The following PDE4A variants were observed in gnomAD, a reference collection of about 807,000 sequenced individuals.
PDE4A encodes the protein 3',5'-cyclic-AMP phosphodiesterase 4A.
Under a neutral mutation model 73.9 loss-of-function variants are expected in PDE4A, and 21 were observed. That is an observed-to-expected ratio of 0.28 (90% confidence interval 0.20 to 0.41). PDE4A has a LOEUF of 0.41. Ranked by LOEUF, PDE4A falls within the 10% of genes least tolerant of loss-of-function variation. The pLI, the probability that PDE4A is intolerant of heterozygous loss-of-function variation, is 1.00. For synonymous variants in PDE4A, 463 were observed against 505.4 expected (o/e 0.92, Z 1.13); for missense variants, 958 against 1,211.4 (o/e 0.79, Z 3.10).
chr19:10,460,865 G>A, intron 10 of PDE4A, 139 bp from the exon 11 acceptor site: 1 of 746,540 alleles, frequency 1.3e-6, no homozygotes, highest in Non-Finnish European at 2.0e-6. Flanking sequence ...GCCCAGGATG[G>A]CCTCGAACTT....
In PDE4A at chr19:10,424,130, A is replaced by C. The variant is rs148907749; in HGVS notation, c.320+3046A>C. Among the ~76,000 whole-genome samples the C allele has an allele frequency of 6.6e-6, 1 of 152,294 alleles. No individual in the cohort carries two copies. The highest frequency in any genetic ancestry group is 1.5e-5 in the Non-Finnish European group (1 of 68,034). ...CACCCCCAACCGGAGATGTCATCCA[A>C]ACCTCCCCTCCAGACCTGAAGATGT... On this transcript the variant is annotated intron_variant, in intron 1 of 14. Transcript: ENST00000380702. This position sits in a 1 kb window ranked among gnomAD's most constrained non-coding sequence, Gnocchi z 4.8.
chr19:10,424,258 G>A lies in PDE4A; in HGVS notation c.320+3174G>A, dbSNP rs1384446037. 6.6e-6 allele frequency among the ~76,000 whole-genome samples: 1 copy of A among 152,240 alleles called. No individual in the cohort carries two copies. Among genetic ancestry groups the A allele is most frequent in the East Asian group, 1.9e-4 (1 of 5,194 alleles). On this transcript the variant is annotated intron_variant, in intron 1 of 14. Transcript: ENST00000380702. This position sits in a 1 kb window ranked among gnomAD's most constrained non-coding sequence, Gnocchi z 4.8. ...GTGGGGGTGGGGAGCTGTCTGAACT[G>A]GGGACGGGGCCAACATACGGACCCT...
At chr19:10,434,855 TGCTGGGATTACAG>T (rs2042843243) in intron 1 of PDE4A, among the ~76,000 whole-genome samples, 1 of 150,858 alleles carries the variant, frequency 6.6e-6, no homozygotes. Context: ...CCTCCCAAAG[TGCTGGGATTACAG>T]GCATGAGCCA....
chr19:10,439,576 C>G (rs544213942), intron 1 of PDE4A, among the ~76,000 whole-genome samples: 2 of 152,162 alleles, frequency 1.3e-5, no homozygotes, highest in South Asian at 4.1e-4. Flanking sequence ...AGCAGAGAGA[C>G]CTGGTTGGAA....
chr19:10,451,031 C>A (rs1281003053), intron 6 of PDE4A, 90 bp downstream of exon 6: 4 of 1,277,968 alleles, frequency 3.1e-6, no homozygotes, highest in Non-Finnish European at 3.3e-6. Flanking sequence ...CCAGTGGGCG[C>A]GGCCTGCGGA....
intron 1 of PDE4A, among the ~76,000 whole-genome samples, chr19:10,422,114 G>C (rs376429353): frequency 6.6e-6 from 1 of 152,162 alleles, no homozygotes; most frequent in African/African-American, 2.4e-5. Flanking sequence ...GATTGGGATA[G>C]AGTGACTGTT....
Position 10,454,902 on chromosome 19 carries a change from A to T in PDE4A, c.857A>T (p.Tyr286Phe). Residue 286 changes from tyrosine to phenylalanine, a missense_variant, in exon 7 of 15, where the codon TAC (tyrosine) becomes TTC (phenylalanine). By Grantham distance (22) the Tyr-to-Phe change is conservative (BLOSUM62 3). Around this residue, in one of 3 missense-constraint regions of PDE4A, gnomAD observed 570 missense variants for 827.7 expected, o/e 0.69. Transcript: ENST00000380702. The part of the protein sequence containing the change: ...MSRSGNQVSE[Y>F]ISTTFLDKQN... ...AGGTCCGGAAACCAGGTCTCAGAGT[A>T]CATTTCCACAACATTCCTGGGTGAG... The T allele has an allele frequency of 6.2e-7, 1 of 1,614,064 alleles. No homozygotes were observed. Among genetic ancestry groups the T allele is most frequent in the Non-Finnish European group, 8.5e-7 (1 of 1,179,964 alleles).
intron 10 of PDE4A, among the ~76,000 whole-genome samples, chr19:10,460,562 C>A (rs758465125): frequency 6.6e-6 from 1 of 151,664 alleles, no homozygotes; most frequent in Admixed American, 6.6e-5. Flanking sequence ...AATCCCAGTA[C>A]TTTGGGAGGC....
chr19:10,459,249 G>A (rs752812832), intron 8 of PDE4A, 151 bp from the exon 9 acceptor site: 164 of 1,352,254 alleles, frequency 1.2e-4, no homozygotes, highest in Non-Finnish European at 1.5e-4. Context: ...CCAGTAGGAC[G>A]AGGGCAGTAC....
At chr19:10,448,723 C>A in intron 2 of PDE4A, 194 bp from the exon 3 acceptor site, 1 of 708,098 alleles carries the variant, frequency 1.4e-6, no homozygotes, top group Non-Finnish European at 1.7e-6. Flanking sequence ...CTGAGCCACA[C>A]TCCTTGACTG....
intron 7 of PDE4A, among the ~76,000 whole-genome samples, chr19:10,457,437 G>A (rs1326579803): frequency 2.2e-5 from 3 of 137,560 alleles, no homozygotes; most frequent in Non-Finnish European, 4.8e-5. Flanking sequence ...TGGGCGGGGG[G>A]GGGGGGGGGC....
Position 10,458,179 on chromosome 19 carries a change from A to G in PDE4A, c.1101+77A>G. 1 of 1,395,672 alleles carries G rather than the reference A, an allele frequency of 7.2e-7. No individual in the cohort carries two copies. Among genetic ancestry groups the G allele is most frequent in the Non-Finnish European group, 1.0e-6 (1 of 996,788 alleles). 86.5% of individuals were successfully genotyped at this position (1,395,672 alleles called of 1,614,324 possible). On this transcript the variant is annotated intron_variant, in intron 8 of 14. Coordinates refer to ENST00000380702, the MANE Select transcript of PDE4A (RefSeq NM_001111307.2). The surrounding 1 kb of genome is among the most constrained non-coding windows in gnomAD (Gnocchi z 4.6). ...CCTGAGAAGGACTGGGCATTGGGTT[A>G]TGTCTTAGGCCAGGTTTCCCAGAAG...
chr19:10,441,853 C>G (rs2042943629), intron 1 of PDE4A, among the ~76,000 whole-genome samples: 2 of 151,632 alleles, frequency 1.3e-5, no homozygotes, highest in Non-Finnish European at 2.9e-5. Context: ...CTACGCCCGG[C>G]TAATTTTTGA....
chr19:10,448,999 C>T (rs200757694), intron 3 of PDE4A, 46 bp downstream of exon 3: 38 of 1,611,542 alleles, frequency 2.4e-5, no homozygotes, highest in Non-Finnish European at 3.1e-5. Flanking sequence ...GGCTCCAATG[C>T]TCCGCCACAC....
At chr19:10,417,583 G>T, upstream of PDE4A, 1 of 1,497,342 alleles carries the variant, frequency 6.7e-7, no homozygotes, top group Non-Finnish European at 8.9e-7. Context: ...AGACAGCTAG[G>T]TAGGGGTGTT....
intron 13 of PDE4A, 67 bp from the exon 14 acceptor site, chr19:10,463,726 C>A: frequency 6.3e-7 from 1 of 1,589,236 alleles, no homozygotes; most frequent in Non-Finnish European, 8.6e-7. Flanking sequence ...AGAAGGAATG[C>A]CTGAGGTCTC....
At chr19:10,426,261 C>T (rs1411811412) in intron 1 of PDE4A, among the ~76,000 whole-genome samples, 3 of 152,326 alleles carry the variant, frequency 2.0e-5, no homozygotes, top group Admixed American at 2.0e-4. Context: ...TCATTTCTAG[C>T]AGATTCGTTC....
intron 11 of PDE4A, 24 bp from the exon 12 acceptor site, chr19:10,461,502 C>T (rs899670055): frequency 2.5e-6 from 4 of 1,611,884 alleles, no homozygotes; most frequent in African/African-American, 1.3e-5. Context: ...TGGGCCCTCC[C>T]CTGACCTCCG....
At chr19:10,451,934 T>C (rs76415590) in intron 6 of PDE4A, among the ~76,000 whole-genome samples, 5,037 of 151,912 alleles carry the variant, frequency 0.033, 211 homozygotes, top group African/African-American at 0.098. Flanking sequence ...CATAGCAGTC[T>C]GAGGGCGATT....
Sources: allele counts gnomAD v4.1 joint callset (sites outside exome capture counted in the v4.1 genomes callset), GRCh38; gene constraint gnomAD v4.1.1; regional missense constraint gnomAD v4.1.1; non-coding constraint Gnocchi (gnomAD v3.1); transcripts MANE v1.5; gene names NCBI Gene and HGNC (gene_info 2026-07-23, HGNC 2026-07-21).